The following FAM163B variants were observed in gnomAD, a reference collection of about 807,000 sequenced individuals.
The protein encoded by FAM163B is protein FAM163B.
A neutral mutation model predicts 7.6 loss-of-function variants in FAM163B; 4 were observed. That is an observed-to-expected ratio of 0.52 (90% CI 0.26 to 1.20). FAM163B has a LOEUF of 1.20. Among genes scored for constraint, FAM163B ranks in the 50% most tolerant of loss-of-function variants. FAM163B has a pLI of 0.14. For missense variants in FAM163B, 250 were observed against 243.0 expected (o/e 1.03, Z -0.19); for synonymous variants, 120 against 111.6 (o/e 1.07, Z -0.47).
At chr9:133,591,632 AG>A (rs1342837916) in intron 1 of FAM163B, among the ~76,000 whole-genome samples, 1 of 152,152 alleles carries the variant, frequency 6.6e-6, no homozygotes, top group Non-Finnish European at 1.5e-5. Context: ...CTTCGGACTC[AG>A]GGGGGCGGAG....
intron 1 of FAM163B, among the ~76,000 whole-genome samples, chr9:133,585,055 G>A (rs942704477): frequency 2.2e-4 from 34 of 152,330 alleles, no homozygotes; most frequent in Admixed American, 3.3e-4. Flanking sequence ...TCCCCTGTGC[G>A]TCCCCCACCC....
In FAM163B at chr9:133,577,176, G is replaced by A. The variant is rs1342351226; in HGVS notation, c.*1846C>T. On this transcript the variant is annotated 3_prime_UTR_variant, in exon 3 of 3. Transcript: ENST00000673969. ...GGAGCCGAGTGAGCTGGGAGGGATG[G>A]GTGCTTACTTCGTTTCAAAGAGATC... is the stretch of plus-strand genomic sequence containing the variant. Among the ~76,000 whole-genome samples the A allele has an allele frequency of 8.6e-5, 13 of 151,176 alleles. No homozygotes were observed. In the South Asian group the frequency reaches 1.3e-3, roughly 15 times the overall value.
At chr9:133,581,337 G>A (rs1346366857) in intron 1 of FAM163B, among the ~76,000 whole-genome samples, 13 of 152,188 alleles carry the variant, frequency 8.5e-5, no homozygotes, top group East Asian at 3.9e-4. Context: ...GGGAGCTGGC[G>A]CCACTTCCCT....
At chr9:133,592,465 T>G (rs1020438686) in intron 1 of FAM163B, among the ~76,000 whole-genome samples, 2 of 152,180 alleles carry the variant, frequency 1.3e-5, no homozygotes, top group Non-Finnish European at 2.9e-5. Flanking sequence ...ACTGGCAGCC[T>G]GGAGCCATAG....
In FAM163B at chr9:133,578,989, C is replaced by T; in HGVS notation, c.*33G>A. 1 of 1,468,628 alleles carries T rather than the reference C, an allele frequency of 6.8e-7. No individual in the cohort carries two copies. Among genetic ancestry groups the T allele is most frequent in the Non-Finnish European group, 9.0e-7 (1 of 1,110,770 alleles). The allele number at this position is 1,468,628 out of a possible 1,614,324, so 91.0% of individuals were successfully genotyped here. ...AGGAATCCCCCCATTGTCTCAGGAC[C>T]TTCAAGGCCAGGATCCCGGGGGCGG... On this transcript the variant is annotated 3_prime_UTR_variant, in exon 3 of 3. Transcript: ENST00000673969.
At chr9:133,598,139 TC>T (rs1311949657) in intron 1 of FAM163B, among the ~76,000 whole-genome samples, 1 of 152,144 alleles carries the variant, frequency 6.6e-6, no homozygotes, top group Non-Finnish European at 1.5e-5. Context: ...CTTCGAGGCC[TC>T]CCTGGGAGCC....
chr9:133,579,574 T>A, intron 2 of FAM163B, 145 bp from the exon 3 acceptor site: 2 of 1,010,264 alleles, frequency 2.0e-6, no homozygotes, highest in Non-Finnish European at 2.8e-6. Flanking sequence ...CTCAGCTGTT[T>A]AACCAGTGCT....
At position 133,609,233 on chromosome 9, in the gene FAM163B, C is replaced by T. The variant is rs1277276138; in HGVS notation, c.-180G>A. ...GGTGTGGCTGGGCGGGCGAGGCGGGCGCTGAGAAGCCCGGGAGGCCCCCGG... is the reference window on the plus strand; with the variant it reads ...GGTGTGGCTGGGCGGGCGAGGCGGGTGCTGAGAAGCCCGGGAGGCCCCCGG... On this transcript the variant is annotated 5_prime_UTR_variant, in exon 1 of 3. Coordinates refer to ENST00000673969, the MANE Select transcript of FAM163B (RefSeq NM_001080515.3). Among the ~76,000 whole-genome samples the T allele has an allele frequency of 6.6e-6, 1 of 151,212 alleles. No individual in the cohort carries two copies. Among genetic ancestry groups the T allele is most frequent in the African/African-American group, 2.4e-5 (1 of 41,362 alleles).
chr9:133,595,059 C>T (rs1831610592), intron 1 of FAM163B, among the ~76,000 whole-genome samples: 2 of 152,336 alleles, frequency 1.3e-5, no homozygotes, highest in South Asian at 4.1e-4. Context: ...TCCTTCCTCT[C>T]CAAAACACTT....
chr9:133,604,278 C>G lies in FAM163B; in HGVS notation c.-24+4799G>C, dbSNP rs1251817096. On this transcript the variant is annotated intron_variant, in intron 1 of 2. Coordinates refer to ENST00000673969, the MANE Select transcript of FAM163B (RefSeq NM_001080515.3). ...TGTGGATGGCCTACATGACTGTTTA[C>G]TGATATGGGTCCAGGTAAATCAATG... 1.3e-5 allele frequency among the ~76,000 whole-genome samples: 2 copies of G among 152,218 alleles called. 1 individual carries two copies. Among genetic ancestry groups the G allele is most frequent in the African/African-American group, 4.8e-5 (2 of 41,450 alleles).
At position 133,577,606 on chromosome 9, in the gene FAM163B, T is replaced by A. The variant is rs1421067572; in HGVS notation, c.*1416A>T. ...GGCCAAGCCTTGTCTTTGAGGGCGG[T>A]GCCTTCCCTGGGCAGAGAGGGGCTG... On this transcript the variant is annotated 3_prime_UTR_variant, in exon 3 of 3. Transcript: ENST00000673969. 6.6e-6 allele frequency among the ~76,000 whole-genome samples: 1 copy of A among 152,174 alleles called. No homozygotes were observed. The highest frequency in any genetic ancestry group is 1.5e-5 in the Non-Finnish European group (1 of 68,022).
In FAM163B at chr9:133,577,257, G is replaced by A. The variant is rs1831262865; in HGVS notation, c.*1765C>T. Reference sequence around the variant, plus strand: ...AAGGAATTGGGAAATGGAATCATGAGGGCTGGGCCCTCATCCCCACCCCAC... The same window carrying A: ...AAGGAATTGGGAAATGGAATCATGAAGGCTGGGCCCTCATCCCCACCCCAC... On this transcript the variant is annotated 3_prime_UTR_variant, in exon 3 of 3. Coordinates refer to ENST00000673969, the MANE Select transcript of FAM163B (RefSeq NM_001080515.3). Among the ~76,000 whole-genome samples the A allele has an allele frequency of 6.6e-6, 1 of 152,162 alleles. No individual in the cohort carries two copies. The highest frequency in any genetic ancestry group is 1.5e-5 in the Non-Finnish European group (1 of 68,016).
chr9:133,602,184 A>G (rs1831738962), intron 1 of FAM163B, among the ~76,000 whole-genome samples: 1 of 150,126 alleles, frequency 6.7e-6, no homozygotes, highest in African/African-American at 2.5e-5. Context: ...AACAAGTTCC[A>G]TCTGCCACAC....
rs746366692 is a variant in FAM163B, at chr9:133,583,959, C to T, written c.-23-3713G>A. ...CCTGACATCAGACCACAGTTCACTCCGAGCAGCTCCCAAAAACACGGCCTC... is the reference window on the plus strand; with the variant it reads ...CCTGACATCAGACCACAGTTCACTCTGAGCAGCTCCCAAAAACACGGCCTC... On this transcript the variant is annotated intron_variant, in intron 1 of 2. Coordinates refer to ENST00000673969, the MANE Select transcript of FAM163B (RefSeq NM_001080515.3). 2.6e-5 allele frequency among the ~76,000 whole-genome samples: 4 copies of T among 152,288 alleles called. No homozygotes were observed. In the East Asian group the frequency reaches 5.8e-4, roughly 22 times the overall value.
In FAM163B at chr9:133,577,091, G is replaced by A. The variant is rs1831258898; in HGVS notation, c.*1931C>T. On this transcript the variant is annotated 3_prime_UTR_variant, in exon 3 of 3. Coordinates refer to ENST00000673969, the MANE Select transcript of FAM163B (RefSeq NM_001080515.3). ...GACGCTGCACGAGAGTGTGGGAGAT[G>A]TTTTATTGGCTTTCACTTTCCTCAG... 6.6e-6 allele frequency among the ~76,000 whole-genome samples: 1 copy of A among 152,210 alleles called. No homozygotes were observed. Among genetic ancestry groups the A allele is most frequent in the African/African-American group, 2.4e-5 (1 of 41,460 alleles).
chr9:133,578,726 T>G lies in FAM163B; in HGVS notation c.*296A>C. The stretch of plus-strand genomic sequence containing the variant: ...GGGTCTGAGACAGAATCATCAGGAG[T>G]AACGGTGGCCTCTGTGCCTGAGAGC... On this transcript the variant is annotated 3_prime_UTR_variant, in exon 3 of 3. Coordinates refer to ENST00000673969, the MANE Select transcript of FAM163B (RefSeq NM_001080515.3). The G allele has an allele frequency of 2.4e-6, 1 of 419,302 alleles. No homozygotes were observed. The highest frequency in any genetic ancestry group is 4.1e-6 in the Non-Finnish European group (1 of 241,440). The allele number at this position is 419,302 out of a possible 1,614,324, so 26.0% of individuals were successfully genotyped here.
At chr9:133,602,259 G>C (rs1831739849) in intron 1 of FAM163B, among the ~76,000 whole-genome samples, 1 of 152,200 alleles carries the variant, frequency 6.6e-6, no homozygotes, top group Non-Finnish European at 1.5e-5. Flanking sequence ...CTGCAAGTGG[G>C]AAAGAGCCAG....
chr9:133,607,351 G>A (rs924342745), intron 1 of FAM163B, among the ~76,000 whole-genome samples: 6 of 152,210 alleles, frequency 3.9e-5, no homozygotes, highest in African/African-American at 1.4e-4. Context: ...GTTTGCTGAT[G>A]GTACTGGCAT....
chr9:133,577,675 G>A lies in FAM163B; in HGVS notation c.*1347C>T, dbSNP rs1456583043. 6.6e-6 allele frequency among the ~76,000 whole-genome samples: 1 copy of A among 152,246 alleles called. No individual in the cohort carries two copies. The highest frequency in any genetic ancestry group is 1.5e-5 in the Non-Finnish European group (1 of 68,044). On this transcript the variant is annotated 3_prime_UTR_variant, in exon 3 of 3. Transcript: ENST00000673969. ...ATGGCAGGGCACAAAAGGAGAGGCA[G>A]AGCCCCAGAGAGGGAAGGGGGCTCC...
Sources: gnomAD v4.1 joint callset for allele counts (sites outside exome capture counted in the v4.1 genomes callset) on GRCh38, gnomAD v4.1.1 for gene constraint, MANE v1.5 for transcripts, NCBI Gene and HGNC (gene_info 2026-07-23, HGNC 2026-07-21) for gene names.